The following FBLIM1 variants were observed in gnomAD, a reference collection of about 807,000 sequenced individuals.
FBLIM1 encodes the protein filamin-binding LIM protein 1.
A neutral mutation model predicts 37.4 loss-of-function variants in FBLIM1; 29 were observed. The ratio of observed to expected loss-of-function variants is 0.77; its 90% CI spans 0.58 to 1.06. The LOEUF (loss-of-function observed/expected upper bound fraction) is 1.06, where lower values mean the gene tolerates loss of function less well. Among genes scored for constraint, FBLIM1 ranks in the 50% least tolerant of loss-of-function variants. FBLIM1 has a pLI of 0.00. For synonymous variants in FBLIM1, 193 were observed against 199.0 expected (o/e 0.97, Z 0.25); for missense variants, 449 against 505.6 (o/e 0.89, Z 1.07).
Position 15,761,792 on chromosome 1 carries a change from T to A in FBLIM1, c.-210-2704T>A, listed in dbSNP as rs192835446. On this transcript the variant is annotated intron_variant, in intron 1 of 8. Transcript: ENST00000375766. ...AAGGGAATTTAGGAGCACGTGTTATTGTTTTTATTATCATCCATCAGTCGC... is the reference window on the plus strand; with the variant it reads ...AAGGGAATTTAGGAGCACGTGTTATAGTTTTTATTATCATCCATCAGTCGC... Among the ~76,000 whole-genome samples, 46 of 152,334 alleles carry A rather than the reference T, an allele frequency of 3.0e-4. No homozygotes were observed. The East Asian group carries it at 8.9e-3, about 29-fold the overall frequency.
intron 1 of FBLIM1, among the ~76,000 whole-genome samples, chr1:15,762,910 A>C (rs2068742770): frequency 6.6e-6 from 1 of 152,150 alleles, no homozygotes; most frequent in Non-Finnish European, 1.5e-5. Flanking sequence ...CTCTAAGAGA[A>C]AGCTGAAATT....
At chr1:15,774,582 T>C in intron 6 of FBLIM1, 36 bp from the exon 7 acceptor site, 1 of 1,574,948 alleles carries the variant, frequency 6.3e-7, no homozygotes, top group South Asian at 1.2e-5. Flanking sequence ...GGGGTGGGTG[T>C]GTCGTGGATG....
chr1:15,772,495 T>C (rs1307041455), intron 6 of FBLIM1, among the ~76,000 whole-genome samples: 1 of 151,974 alleles, frequency 6.6e-6, no homozygotes, highest in African/African-American at 2.4e-5. Flanking sequence ...CCCACACGTG[T>C]CCAGGTGAGG....
At chr1:15,764,021 GC>G (rs1323598764) in intron 1 of FBLIM1, among the ~76,000 whole-genome samples, 1 of 152,198 alleles carries the variant, frequency 6.6e-6, no homozygotes, top group Admixed American at 6.5e-5. Flanking sequence ...AGGCCATGGA[GC>G]CTCCCCATCT....
chr1:15,761,099 G>A (rs750494479), intron 1 of FBLIM1, among the ~76,000 whole-genome samples: 1 of 152,146 alleles, frequency 6.6e-6, no homozygotes, highest in East Asian at 1.9e-4. Flanking sequence ...CCGACTTCCC[G>A]GAGGAGTGTA....
intron 8 of FBLIM1, among the ~76,000 whole-genome samples, chr1:15,779,700 G>C (rs2069587471): frequency 6.6e-6 from 1 of 152,040 alleles, no homozygotes; most frequent in African/African-American, 2.4e-5. Context: ...TGCCAGGCTA[G>C]AGAGTCTGGA....
At chr1:15,762,415 A>T (rs2068717138) in intron 1 of FBLIM1, among the ~76,000 whole-genome samples, 1 of 152,046 alleles carries the variant, frequency 6.6e-6, no homozygotes, top group Non-Finnish European at 1.5e-5. Context: ...GGCGTCTGCC[A>T]CCATGCCCAG....
intron 7 of FBLIM1, 165 bp from the exon 8 acceptor site, chr1:15,777,005 C>T (rs1557704333): frequency 1.6e-6 from 1 of 635,254 alleles, no homozygotes; most frequent in Non-Finnish European, 2.8e-6. Flanking sequence ...ACACAGGTCT[C>T]TCCACCTGCT....
At chr1:15,773,760 A>C (rs947876895) in intron 6 of FBLIM1, among the ~76,000 whole-genome samples, 3 of 152,028 alleles carry the variant, frequency 2.0e-5, no homozygotes, top group Non-Finnish European at 2.9e-5. Context: ...GACTGCAATA[A>C]TACTACGATA....
intron 8 of FBLIM1, among the ~76,000 whole-genome samples, chr1:15,777,651 G>A (rs559468031): frequency 2.2e-3 from 326 of 145,548 alleles, no homozygotes; most frequent in Non-Finnish European, 3.6e-3. Context: ...TCAGCTCACT[G>A]CAACCTCTAC....
Position 15,768,549 on chromosome 1 carries a change from G to C in FBLIM1, c.460G>C (p.Val154Leu). 6.2e-7 allele frequency: 1 copy of C among 1,604,172 alleles called. No homozygotes were observed. Among genetic ancestry groups the C allele is most frequent in the Non-Finnish European group, 8.5e-7 (1 of 1,177,056 alleles). ...PPQAPAEGPS[V>L]QPGPLRPMEE... ...ACAGGCCCCAGCGGAGGGACCTTCA[G>C]TCCAGCCCGGTCCCCTCAGGCCCAT... Residue 154 changes from valine (V) to leucine (L), a missense_variant, in exon 5 of 9, where the codon GTC becomes CTC. By Grantham distance (32) the Val-to-Leu change is conservative. Coordinates refer to ENST00000375766, the MANE Select transcript of FBLIM1 (RefSeq NM_017556.4).
rs2068841666 is a variant in FBLIM1 at position 15,764,899 on chromosome 1, C to T, written c.-20-65C>T. ...TTTTTGGGAGGAGGGAGGCTCTCTC[C>T]TCTCGGGGGAGGGTGGCTGTGTGTC... On this transcript the variant is annotated intron_variant, in intron 2 of 8. Coordinates refer to ENST00000375766, the MANE Select transcript of FBLIM1 (RefSeq NM_017556.4). The T allele has an allele frequency of 2.0e-6, 3 of 1,516,838 alleles. No individual in the cohort carries two copies. In the East Asian group the frequency reaches 6.8e-5, roughly 34 times the overall value. 94.0% of individuals were successfully genotyped at this position (1,516,838 alleles called of 1,614,324 possible).
At position 15,774,973 on chromosome 1, in the gene FBLIM1, C is replaced by G. The variant is rs560698021; in HGVS notation, c.890+177C>G. Reference sequence around the variant, plus strand: ...GTGGCTCACGCCTGTAATCCCAGCACTTTGGGAGGCCGAGGCGGGTGGATC... The same window carrying G: ...GTGGCTCACGCCTGTAATCCCAGCAGTTTGGGAGGCCGAGGCGGGTGGATC... On this transcript the variant is annotated intron_variant, in intron 7 of 8. Coordinates refer to ENST00000375766, the MANE Select transcript of FBLIM1 (RefSeq NM_017556.4). The G allele has an allele frequency of 2.5e-5, 34 of 1,371,496 alleles. No individual in the cohort carries two copies. In the South Asian group the frequency reaches 4.6e-4, roughly 19 times the overall value. 85.0% of individuals were successfully genotyped at this position (1,371,496 alleles called of 1,614,324 possible).
chr1:15,773,845 C>T (rs2069350649), intron 6 of FBLIM1, among the ~76,000 whole-genome samples: 1 of 151,150 alleles, frequency 6.6e-6, no homozygotes, highest in African/African-American at 2.4e-5. Context: ...ATGTTACTAC[C>T]CAAAATGTGT....
chr1:15,763,197 G>A (rs1048872702), intron 1 of FBLIM1, among the ~76,000 whole-genome samples: 2 of 151,658 alleles, frequency 1.3e-5, no homozygotes, highest in African/African-American at 2.4e-5. Flanking sequence ...AGCCTCCCAA[G>A]TAGCTGGGAT....
chr1:15,770,642 C>T, intron 6 of FBLIM1, 64 bp downstream of exon 6: 5 of 1,552,176 alleles, frequency 3.2e-6, no homozygotes, highest in Non-Finnish European at 4.4e-6. Flanking sequence ...TATGTTGCAC[C>T]ATTTCATTCC....
chr1:15,777,591 T>TG (rs1482164767), intron 8 of FBLIM1, among the ~76,000 whole-genome samples: 3 of 150,844 alleles, frequency 2.0e-5, no homozygotes. Flanking sequence ...TTTTTTTTTT[T>TG]TGGACACAGT....
chr1:15,783,739 C>T (rs1210880557), intron 8 of FBLIM1, among the ~76,000 whole-genome samples: 9 of 151,984 alleles, frequency 5.9e-5, no homozygotes, highest in Middle Eastern at 6.8e-3. Context: ...CCCGCCACCA[C>T]GCCCGGCTAG....
intron 7 of FBLIM1, among the ~76,000 whole-genome samples, chr1:15,776,143 C>T (rs373799591): frequency 5.3e-5 from 8 of 152,166 alleles, no homozygotes; most frequent in Admixed American, 3.3e-4. Context: ...TGGGGCCGGG[C>T]GCGGTAGCTC....
Sources: allele counts gnomAD v4.1 joint callset (sites outside exome capture counted in the v4.1 genomes callset), GRCh38; gene constraint gnomAD v4.1.1; transcripts MANE v1.5; gene names NCBI Gene and HGNC (gene_info 2026-07-23, HGNC 2026-07-21).